The following ATP6V0D1 variants were observed in gnomAD, a reference collection of about 807,000 sequenced individuals.
ATP6V0D1 encodes ATPase H+ transporting V0 subunit d1, also known as V-type proton ATPase subunit d 1.
Under a neutral mutation model 39.0 loss-of-function variants are expected in ATP6V0D1, and 13 were observed. The ratio of observed to expected loss-of-function variants is 0.33; its 90% CI spans 0.22 to 0.53. The LOEUF (loss-of-function observed/expected upper bound fraction) is 0.53. Ranked by LOEUF, ATP6V0D1 falls within the 20% of genes least tolerant of loss-of-function variation. The pLI, the probability that ATP6V0D1 is intolerant of heterozygous loss-of-function variation, is 0.94. For synonymous variants in ATP6V0D1, 191 were observed against 191.2 expected (o/e 1.00, Z 0.01); for missense variants, 272 against 470.9 (o/e 0.58, Z 3.91).
At chr16:67,448,659 CAAAAA>C (rs34654965) in intron 2 of ATP6V0D1, among the ~76,000 whole-genome samples, 1 of 49,480 alleles carries the variant, frequency 2.0e-5, no homozygotes. Flanking sequence ...GACTCCAGCT[CAAAAA>C]AAAAAAAAAA....
intron 2 of ATP6V0D1, among the ~76,000 whole-genome samples, chr16:67,450,666 G>A (rs2041169024): frequency 1.3e-5 from 2 of 152,200 alleles, no homozygotes; most frequent in Non-Finnish European, 2.9e-5. Flanking sequence ...GGGATGAGGG[G>A]AAATGAGAGA....
chr16:67,438,706 A>C lies in ATP6V0D1; in HGVS notation c.895-17T>G. On this transcript the variant is annotated splice_polypyrimidine_tract_variant and intron_variant, in intron 7 of 7. Transcript: ENST00000290949. ...CAGCTTTACCTGTGGACACGGGCAG[A>C]TGTGGTGTCCAGGTGGCCATGGCCA... 2 of 1,614,204 alleles carry C rather than the reference A, an allele frequency of 1.2e-6. No individual in the cohort carries two copies. The highest frequency in any genetic ancestry group is 1.7e-6 in the Non-Finnish European group (2 of 1,180,014).
chr16:67,476,375 T>C (rs1193757131), intron 1 of ATP6V0D1, among the ~76,000 whole-genome samples: 1 of 152,132 alleles, frequency 6.6e-6, no homozygotes, highest in Non-Finnish European at 1.5e-5. Flanking sequence ...ACATAACAAA[T>C]ACATTAAAAA....
chr16:67,476,967 A>G (rs2041419480), intron 1 of ATP6V0D1, among the ~76,000 whole-genome samples: 1 of 142,398 alleles, frequency 7.0e-6, no homozygotes, highest in Non-Finnish European at 1.5e-5. Flanking sequence ...TGGGAGGCAG[A>G]GGTTGCAGTG....
intron 1 of ATP6V0D1, among the ~76,000 whole-genome samples, chr16:67,464,735 G>A (rs1478837688): frequency 1.3e-5 from 2 of 152,272 alleles, no homozygotes; most frequent in East Asian, 1.9e-4. Context: ...AGCCAAGCAC[G>A]AAAGCCTCTG....
At chr16:67,472,873 A>T (rs967030272) in intron 1 of ATP6V0D1, among the ~76,000 whole-genome samples, 39 of 152,208 alleles carry the variant, frequency 2.6e-4, no homozygotes, top group East Asian at 1.5e-3. Context: ...GTCTCAAAAA[A>T]ATATATATAT....
intron 1 of ATP6V0D1, chr16:67,459,111 T>G (rs986118390): frequency 1.0e-6 from 1 of 985,528 alleles, no homozygotes; most frequent in South Asian, 4.7e-5. Flanking sequence ...AGCCCTTGAC[T>G]GGTCTAACAG....
At chr16:67,452,447 G>A in intron 2 of ATP6V0D1, 1 of 1,517,788 alleles carries the variant, frequency 6.6e-7, no homozygotes, top group Non-Finnish European at 8.8e-7. Flanking sequence ...TAAGAATCAG[G>A]CCAGGCAGCA....
chr16:67,444,697 G>C lies in ATP6V0D1; in HGVS notation c.312C>G (p.Tyr104Ter). 1 of 1,595,732 alleles carries C rather than the reference G, an allele frequency of 6.3e-7. No homozygotes were observed. Among genetic ancestry groups the C allele is most frequent in the Non-Finnish European group, 8.6e-7 (1 of 1,167,292 alleles). ...TGAGCAGGATCACGTTGTCGATCAT[G>C]TAACTGTAACTACAGGGGGCAGGCA... ...ASFLDFITYS[Y>*]MIDNVILLIT... The change falls in exon 3 of 8, where the codon TAC (tyrosine) becomes TAG (stop). Residue 104 changes from tyrosine (Y) to a stop codon, truncating the protein, a stop_gained. Transcript: ENST00000290949. LOFTEE classifies it high-confidence loss of function. This position sits in a 1 kb window ranked among gnomAD's most constrained non-coding sequence, Gnocchi z 4.8.
chr16:67,468,871 G>A (rs1451068066), intron 1 of ATP6V0D1, among the ~76,000 whole-genome samples: 3 of 152,134 alleles, frequency 2.0e-5, no homozygotes. Flanking sequence ...CCAAGAAATC[G>A]CTGAGTAAAC....
intron 1 of ATP6V0D1, among the ~76,000 whole-genome samples, chr16:67,480,420 C>T (rs1220036338): frequency 6.6e-6 from 1 of 152,136 alleles, no homozygotes; most frequent in Non-Finnish European, 1.5e-5. Flanking sequence ...TCAGGAGATA[C>T]TGCCCAGCCA....
At chr16:67,461,584 T>C (rs1306939050) in intron 1 of ATP6V0D1, among the ~76,000 whole-genome samples, 2 of 152,196 alleles carry the variant, frequency 1.3e-5, no homozygotes, top group African/African-American at 4.8e-5. Context: ...GCTGGCACGG[T>C]CACATGCAAG....
At chr16:67,471,921 C>T (rs953653719) in intron 1 of ATP6V0D1, among the ~76,000 whole-genome samples, 4 of 152,112 alleles carry the variant, frequency 2.6e-5, no homozygotes, top group African/African-American at 4.8e-5. Flanking sequence ...AGATTACAGG[C>T]GTTAGCCACC....
At chr16:67,460,442 C>CTGCA (rs1220094577) in intron 1 of ATP6V0D1, among the ~76,000 whole-genome samples, 1 of 152,112 alleles carries the variant, frequency 6.6e-6, no homozygotes, top group Non-Finnish European at 1.5e-5. Context: ...CTGGCTGGAT[C>CTGCA]TGCAGGGTCA....
intron 1 of ATP6V0D1, among the ~76,000 whole-genome samples, chr16:67,460,037 G>A (rs897872446): frequency 6.6e-6 from 1 of 152,200 alleles, no homozygotes; most frequent in African/African-American, 2.4e-5. Flanking sequence ...GGCTCTCCTG[G>A]GGAGCTCAGG....
intron 1 of ATP6V0D1, among the ~76,000 whole-genome samples, chr16:67,454,097 C>T (rs2041211887): frequency 6.6e-6 from 1 of 152,182 alleles, no homozygotes; most frequent in African/African-American, 2.4e-5. Flanking sequence ...GAGCCCTGCA[C>T]TCCAGGGCCT....
intron 2 of ATP6V0D1, among the ~76,000 whole-genome samples, chr16:67,448,082 G>A (rs551114923): frequency 6.6e-6 from 1 of 152,356 alleles, no homozygotes; most frequent in East Asian, 1.9e-4. Flanking sequence ...CAGGCATGGT[G>A]GCTCACACCA....
intron 2 of ATP6V0D1, among the ~76,000 whole-genome samples, chr16:67,446,922 A>G (rs1173877820): frequency 1.3e-5 from 2 of 152,158 alleles, no homozygotes; most frequent in East Asian, 3.9e-4. Flanking sequence ...AGAGAGGGCC[A>G]GCACCAGGCC....
At chr16:67,466,698 G>A (rs1006980804) in intron 1 of ATP6V0D1, among the ~76,000 whole-genome samples, 8 of 152,018 alleles carry the variant, frequency 5.3e-5, no homozygotes, top group Non-Finnish European at 8.8e-5. Flanking sequence ...TCAGCTGGGC[G>A]TCGTGGTGCA....
Sources: gnomAD v4.1 joint callset for allele counts (sites outside exome capture counted in the v4.1 genomes callset) on GRCh38, gnomAD v4.1.1 for gene constraint, Gnocchi (gnomAD v3.1) non-coding constraint, MANE v1.5 for transcripts, NCBI Gene and HGNC (gene_info 2026-07-23, HGNC 2026-07-21) for gene names.